The following RBFOX1 variants were observed in gnomAD, a reference collection of about 807,000 sequenced individuals.
The protein encoded by RBFOX1 is RNA binding fox-1 homolog 1, also known as RNA binding protein fox-1 homolog 1.
In RBFOX1, 8 loss-of-function variants were observed where a neutral mutation model predicts 57.7. The observed-to-expected ratio is 0.14, with a 90% CI of 0.08 to 0.25. RBFOX1 has a LOEUF of 0.25. Ranked by LOEUF, RBFOX1 falls within the 10% of genes least tolerant of loss-of-function variation. The pLI is 1.00. For synonymous variants in RBFOX1, 326 were observed against 222.4 expected (o/e 1.47, Z -4.15); for missense variants, 611 against 548.5 (o/e 1.11, Z -1.14).
At chr16:7,625,088 G>C (rs968852025) in intron 10 of RBFOX1, among the ~76,000 whole-genome samples, 89 of 152,206 alleles carry the variant, frequency 5.8e-4, no homozygotes, top group African/African-American at 2.0e-3. Context: ...CAGCCCAGGG[G>C]ATTGCTTTGG....
At chr16:5,289,548 T>C in intron 1 of RBFOX1, 1 of 181,378 alleles carries the variant, frequency 5.5e-6, no homozygotes. Flanking sequence ...AAATCTGTGG[T>C]ATTATTCCAA....
At chr16:5,644,944 G>C (rs1464120605) in intron 3 of RBFOX1, among the ~76,000 whole-genome samples, 1 of 152,080 alleles carries the variant, frequency 6.6e-6, no homozygotes, top group African/African-American at 2.4e-5. Flanking sequence ...TGGCATGGAT[G>C]AACCTGGAAA....
At chr16:7,458,513 CT>C (rs1286412084) in intron 4 of RBFOX1, among the ~76,000 whole-genome samples, 1 of 152,162 alleles carries the variant, frequency 6.6e-6, no homozygotes, top group African/African-American at 2.4e-5. Context: ...TTTACTGTTG[CT>C]TATTTTTTGT....
At chr16:6,410,600 C>A (rs1194547904) in intron 2 of RBFOX1, among the ~76,000 whole-genome samples, 1 of 152,078 alleles carries the variant, frequency 6.6e-6, no homozygotes, top group East Asian at 1.9e-4. Context: ...TGTGAGCCAC[C>A]GCGCACCTTC....
intron 1 of RBFOX1, among the ~76,000 whole-genome samples, chr16:6,139,355 C>T (rs2096694744): frequency 6.6e-6 from 1 of 152,194 alleles, no homozygotes; most frequent in South Asian, 2.1e-4. Context: ...GGTCCCAACT[C>T]TGCTGCTTTC....
chr16:6,910,366 A>G (rs1190810362), intron 3 of RBFOX1, among the ~76,000 whole-genome samples: 3 of 152,188 alleles, frequency 2.0e-5, no homozygotes, highest in South Asian at 2.1e-4. Context: ...CCATCTTCCT[A>G]TTTCCCTTCC....
chr16:7,622,861 T>C (rs1456994351), intron 10 of RBFOX1, among the ~76,000 whole-genome samples: 1 of 152,208 alleles, frequency 6.6e-6, no homozygotes, highest in Non-Finnish European at 1.5e-5. Context: ...TCAGAGAAGC[T>C]CATCTTTCAG....
intron 1 of RBFOX1, among the ~76,000 whole-genome samples, chr16:6,166,748 A>G (rs998664767): frequency 2.0e-5 from 3 of 152,018 alleles, no homozygotes; most frequent in African/African-American, 7.2e-5. Flanking sequence ...AGCCTCAGTC[A>G]TGTGCCCAGC....
chr16:5,756,600 G>A (rs1442277076), intron 3 of RBFOX1, among the ~76,000 whole-genome samples: 4 of 152,220 alleles, frequency 2.6e-5, no homozygotes, highest in South Asian at 2.1e-4. Flanking sequence ...AAAATTTATC[G>A]TGGCTTAACT....
chr16:7,246,352 C>T (rs1342860652), intron 4 of RBFOX1, among the ~76,000 whole-genome samples: 1 of 152,156 alleles, frequency 6.6e-6, no homozygotes, highest in Non-Finnish European at 1.5e-5. Flanking sequence ...CTGGCATCCC[C>T]CACAGCAAAG....
intron 3 of RBFOX1, among the ~76,000 whole-genome samples, chr16:5,621,588 C>T (rs1383691905): frequency 6.6e-6 from 1 of 152,130 alleles, no homozygotes; most frequent in Non-Finnish European, 1.5e-5. Flanking sequence ...GGATTCAGTG[C>T]TGACTTCCCC....
At chr16:6,839,202 C>G (rs1045575711) in intron 3 of RBFOX1, among the ~76,000 whole-genome samples, 4 of 151,394 alleles carry the variant, frequency 2.6e-5, no homozygotes, top group South Asian at 4.2e-4. Flanking sequence ...CCAGGCTGTT[C>G]TCGAATTCCT....
intron 3 of RBFOX1, among the ~76,000 whole-genome samples, chr16:6,981,601 C>T (rs2088892351): frequency 1.3e-5 from 2 of 152,112 alleles, no homozygotes; most frequent in Non-Finnish European, 2.9e-5. Flanking sequence ...GCCTCACAGT[C>T]ATGATGGGAG....
At chr16:7,366,549 C>A (rs975402842) in intron 4 of RBFOX1, among the ~76,000 whole-genome samples, 1 of 152,166 alleles carries the variant, frequency 6.6e-6, no homozygotes, top group Non-Finnish European at 1.5e-5. Context: ...CTGGTCCAAC[C>A]ATGGAGGCTG....
At chr16:6,256,157 A>G (rs867431125) in intron 1 of RBFOX1, among the ~76,000 whole-genome samples, 58 of 34,376 alleles carry the variant, frequency 1.7e-3, no homozygotes, top group Admixed American at 4.9e-3. Flanking sequence ...ATATATATAT[A>G]TGTATATATA....
intron 4 of RBFOX1, among the ~76,000 whole-genome samples, chr16:7,459,416 T>A (rs183434737): frequency 2.0e-5 from 3 of 152,120 alleles, no homozygotes; most frequent in Non-Finnish European, 4.4e-5. Context: ...CTCTGGCAAA[T>A]TGAAAATTAT....
In RBFOX1 at chr16:6,507,526, G is replaced by A. The variant is rs867304392; in HGVS notation, c.-63-147077G>A. Among the ~76,000 whole-genome samples the A allele has an allele frequency of 3.2e-3, 181 of 56,408 alleles. 2 individuals carry two copies. The highest frequency in any genetic ancestry group is 6.9e-3 in the African/African-American group (115 of 16,768). 37.0% of individuals were successfully genotyped at this position (56,408 alleles called of 152,430 possible). ...TCTGTACAAAAAAAAAAAAAAAAAA[G>A]CCTGGCATAGTGGCACACACTTGTA... On this transcript the variant is annotated intron_variant, in intron 2 of 15. Coordinates refer to ENST00000550418, the MANE Select transcript of RBFOX1 (RefSeq NM_018723.4).
chr16:5,772,506 A>T (rs979945233), intron 3 of RBFOX1, among the ~76,000 whole-genome samples: 2 of 152,142 alleles, frequency 1.3e-5, no homozygotes, highest in African/African-American at 4.8e-5. Context: ...ATTCAACCCA[A>T]TTATATGACC....
At chr16:6,985,832 T>TAAAAGAAAA (rs2090119219) in intron 3 of RBFOX1, among the ~76,000 whole-genome samples, 1 of 99,840 alleles carries the variant, frequency 1.0e-5, no homozygotes, top group South Asian at 3.6e-4. Flanking sequence ...TGAGTTCATG[T>TAAAAGAAAA]AAAAAAAAAA....
Sources: gnomAD v4.1 joint callset for allele counts (sites outside exome capture counted in the v4.1 genomes callset) on GRCh38, gnomAD v4.1.1 for gene constraint, MANE v1.5 for transcripts, NCBI Gene and HGNC (gene_info 2026-07-23, HGNC 2026-07-21) for gene names.